Variants in NID1 observed in about 807,000 individuals in gnomAD.
The protein encoded by NID1 is nidogen-1.
Under a neutral mutation model 130.6 loss-of-function variants are expected in NID1, and 76 were observed. The observed-to-expected ratio is 0.58, with a 90% CI of 0.48 to 0.70. The LOEUF is 0.70. Ranked by LOEUF, NID1 falls within the 30% of genes least tolerant of loss-of-function variation. The pLI, the probability that NID1 is intolerant of heterozygous loss-of-function variation, is 0.00. For synonymous variants in NID1, 665 were observed against 675.1 expected (o/e 0.98, Z 0.23); for missense variants, 1,517 against 1,664.8 (o/e 0.91, Z 1.54).
intron 3 of NID1, among the ~76,000 whole-genome samples, chr1:236,042,805 C>T (rs1572615592): frequency 2.3e-5 from 1 of 43,538 alleles, no homozygotes. Flanking sequence ...CTTTTGTAGG[C>T]TAATGAGTTG....
chr1:236,002,030 C>G (rs1658089982), intron 12 of NID1, among the ~76,000 whole-genome samples: 1 of 152,202 alleles, frequency 6.6e-6, no homozygotes, highest in Admixed American at 6.5e-5. Context: ...TGCCATCAGC[C>G]AGGCGCCCTG....
At chr1:236,035,178 A>G (rs1365376705) in intron 5 of NID1, among the ~76,000 whole-genome samples, 2 of 108,488 alleles carry the variant, frequency 1.8e-5, no homozygotes, top group Non-Finnish European at 1.8e-5. Flanking sequence ...AGAGTGTGAT[A>G]TTCCCCTTCC....
chr1:236,046,959 C>T lies in NID1; in HGVS notation c.526-1276G>A, dbSNP rs148974461. The stretch of plus-strand genomic sequence containing the variant: ...GGAGACTGCTCAGTTAAACAATATT[C>T]GGCAAGGCTGGAATGGTGGCTCACG... On this transcript the variant is annotated intron_variant, in intron 2 of 19. Transcript: ENST00000264187. 1.5e-3 allele frequency among the ~76,000 whole-genome samples: 230 copies of T among 152,168 alleles called. 2 individuals are homozygous for T. The highest frequency in any genetic ancestry group is 5.0e-3 in the African/African-American group (207 of 41,522).
intron 1 of NID1, among the ~76,000 whole-genome samples, chr1:236,058,032 G>A (rs1378026573): frequency 6.6e-6 from 1 of 152,172 alleles, no homozygotes. Context: ...TGGGGTGAAT[G>A]CATTTCTGAG....
intron 9 of NID1, among the ~76,000 whole-genome samples, chr1:236,023,840 C>T (rs569362376): frequency 6.6e-6 from 1 of 152,216 alleles, no homozygotes; most frequent in East Asian, 1.9e-4. Flanking sequence ...GGAGTGTGGC[C>T]TTAGGAATTC....
intron 12 of NID1, among the ~76,000 whole-genome samples, chr1:235,999,428 G>C (rs1443408019): frequency 6.6e-6 from 1 of 152,160 alleles, no homozygotes; most frequent in African/African-American, 2.4e-5. Context: ...CTGTGATCTC[G>C]GTGGACTTTC....
At chr1:236,032,930 C>T (rs1343176743) in intron 5 of NID1, among the ~76,000 whole-genome samples, 3 of 152,148 alleles carry the variant, frequency 2.0e-5, no homozygotes, top group African/African-American at 4.8e-5. Context: ...TGAGGAACTG[C>T]AGGAGTTAAA....
intron 5 of NID1, among the ~76,000 whole-genome samples, chr1:236,037,249 T>G (rs1482379624): frequency 6.6e-6 from 1 of 152,200 alleles, no homozygotes; most frequent in Non-Finnish European, 1.5e-5. Context: ...ACGCTATGAC[T>G]TCAGGAGCAC....
intron 1 of NID1, among the ~76,000 whole-genome samples, chr1:236,056,784 G>A (rs1659909721): frequency 6.6e-6 from 1 of 151,816 alleles, no homozygotes; most frequent in African/African-American, 2.4e-5. Context: ...GGGCACATTA[G>A]ACCACATTAA....
chr1:236,031,763 C>T (rs543874210), intron 6 of NID1, among the ~76,000 whole-genome samples: 14 of 152,280 alleles, frequency 9.2e-5, no homozygotes, highest in African/African-American at 3.4e-4. Flanking sequence ...CTTGGCAGGG[C>T]AAGGGGAAGG....
intron 6 of NID1, 102 bp downstream of exon 6, chr1:236,032,299 C>T (rs1428419738): frequency 6.9e-7 from 1 of 1,446,986 alleles, no homozygotes; most frequent in African/African-American, 1.4e-5. Flanking sequence ...CAACATGCTT[C>T]TAAGTTGTCT....
intron 1 of NID1, among the ~76,000 whole-genome samples, chr1:236,056,506 T>C (rs1455711409): frequency 6.6e-6 from 1 of 152,252 alleles, no homozygotes; most frequent in Non-Finnish European, 1.5e-5. Flanking sequence ...TCAAATCTTC[T>C]TTTCTAACTA....
At chr1:236,002,617 G>A (rs965176564) in intron 12 of NID1, among the ~76,000 whole-genome samples, 1 of 152,216 alleles carries the variant, frequency 6.6e-6, no homozygotes, top group African/African-American at 2.4e-5. Flanking sequence ...TAAGACAAGA[G>A]CTTTGCAGGC....
At chr1:236,029,482 G>C in intron 7 of NID1, 68 bp downstream of exon 7, 1 of 1,464,964 alleles carries the variant, frequency 6.8e-7, no homozygotes, top group South Asian at 1.2e-5. Flanking sequence ...CACGGCTGCC[G>C]TGGTGGGTCA....
At position 235,990,979 on chromosome 1, in the gene NID1, A is replaced by G. The variant is rs200352517; in HGVS notation, c.2835T>C (p.His945=). The stretch of plus-strand genomic sequence containing the variant: ...TCTTCCCAGTCTGGGCAAAGAGTAA[A>G]TGGGTCCCAGGAGGCAAGGGGATCA... ...TAVIPLPPGT[H]LLFAQTGKIE... The change falls in exon 14 of 20, where the codon CAT becomes CAC. Residue 945 remains histidine, a synonymous_variant. Transcript: ENST00000264187. 1.1e-5 allele frequency: 17 copies of G among 1,614,014 alleles called. No individual in the cohort carries two copies. In the African/African-American group the frequency reaches 2.3e-4, roughly 22 times the overall value.
chr1:236,036,958 C>T (rs546533351), intron 5 of NID1, among the ~76,000 whole-genome samples: 2 of 152,236 alleles, frequency 1.3e-5, no homozygotes, highest in South Asian at 2.1e-4. Context: ...TGACTAAGAC[C>T]GCATCTGAAG....
intron 17 of NID1, 130 bp from the exon 18 acceptor site, chr1:235,980,075 T>C (rs904117303): frequency 1.8e-6 from 2 of 1,088,782 alleles, no homozygotes; most frequent in African/African-American, 3.1e-5. Flanking sequence ...AGAGAACACA[T>C]GAGGCTTGCT....
intron 4 of NID1, among the ~76,000 whole-genome samples, chr1:236,040,192 C>A (rs1362241536): frequency 6.6e-6 from 1 of 152,156 alleles, no homozygotes; most frequent in Admixed American, 6.5e-5. Flanking sequence ...ACACACCCAA[C>A]ACATCTGGGG....
At chr1:236,046,282 T>G (rs1659599496) in intron 2 of NID1, among the ~76,000 whole-genome samples, 1 of 152,164 alleles carries the variant, frequency 6.6e-6, no homozygotes, top group Non-Finnish European at 1.5e-5. Flanking sequence ...AGGTCACGTA[T>G]GAAAGAGCAG....
Sources: allele counts gnomAD v4.1 joint callset (sites outside exome capture counted in the v4.1 genomes callset), GRCh38; gene constraint gnomAD v4.1.1; transcripts MANE v1.5; gene names NCBI Gene and HGNC (gene_info 2026-07-23, HGNC 2026-07-21).